Variants in LAMC2 observed in about 807,000 individuals in gnomAD.
LAMC2 encodes laminin subunit gamma-2.
In LAMC2, 97 loss-of-function variants were observed where a neutral mutation model predicts 140.2. That is an observed-to-expected ratio of 0.69 (90% confidence interval 0.59 to 0.82). The LOEUF (loss-of-function observed/expected upper bound fraction) is 0.82, where lower values mean the gene tolerates loss of function less well. Among genes scored for constraint, LAMC2 ranks in the 40% least tolerant of loss-of-function variants. LAMC2 has a pLI of 0.00. For synonymous variants in LAMC2, 513 were observed against 540.2 expected, an observed-to-expected ratio of 0.95 and a Z score of 0.70; for missense variants, 1,402 against 1,476.1, an observed-to-expected ratio of 0.95 and a Z score of 0.82.
rs1484118529 is a variant in LAMC2, at chr1:183,186,416, A to G, written c.64A>G (p.Thr22Ala). 1 of 1,604,600 alleles carries G rather than the reference A, an allele frequency of 6.2e-7. No individual in the cohort carries two copies. Among genetic ancestry groups the G allele is most frequent in the African/African-American group, 1.3e-5 (1 of 74,866 alleles). ...FSLLLPAARA[T>A]SRREVCDCNG... is the part of the protein sequence containing the mutation. ...GCTCCTCCTGCCCGCAGCCCGGGCC[A>G]CCTCCAGGAGGGAAGGTGAGTCGGC... Residue 22 changes from threonine to alanine, a missense_variant, in exon 1 of 23, where the codon ACC becomes GCC. By Grantham distance (58) the Thr-to-Ala change is moderately conservative (BLOSUM62 0). Around this residue, in one of 3 missense-constraint regions of LAMC2, gnomAD observed 723 missense variants for 783.3 expected, o/e 0.92. Transcript: ENST00000264144.
intron 2 of LAMC2, among the ~76,000 whole-genome samples, chr1:183,210,076 T>C (rs1033196122): frequency 6.6e-6 from 1 of 152,114 alleles, no homozygotes; most frequent in Non-Finnish European, 1.5e-5. Flanking sequence ...CACAAATAAC[T>C]AAAGAGGGGG....
chr1:183,218,286 A>T, intron 3 of LAMC2, 104 bp from the exon 4 acceptor site: 2 of 920,442 alleles, frequency 2.2e-6, no homozygotes, highest in Non-Finnish European at 3.5e-6. Context: ...TCGAAGAAGG[A>T]CTGCCCAGCT....
the LAMC2 span, chr1:183,252,436 C>G: frequency 3.6e-6 from 2 of 558,428 alleles, no homozygotes; most frequent in Admixed American, 3.1e-5. Flanking sequence ...ACCCCCAACC[C>G]GGAGACTAGA....
chr1:183,191,907 G>A (rs1230261573), intron 1 of LAMC2, among the ~76,000 whole-genome samples: 1 of 152,012 alleles, frequency 6.6e-6, no homozygotes, highest in African/African-American at 2.4e-5. Context: ...ATAGAATCTG[G>A]AATACTCTCA....
chr1:183,228,955 CTGT>C lies in LAMC2; in HGVS notation c.1714+340_1714+342del, dbSNP rs1659718375. ...GGAGGCAGGGAAGTGGCTGCCAAAC[CTGT>C]TGTAGGAGAGTAATAAATGACTTGA... On this transcript the variant is annotated intron_variant, in intron 11 of 22. Coordinates refer to ENST00000264144, the MANE Select transcript of LAMC2 (RefSeq NM_005562.3). The surrounding 1 kb of genome is among the most constrained non-coding windows in gnomAD (Gnocchi z 4.3). 6.6e-6 allele frequency among the ~76,000 whole-genome samples: 1 copy of C among 152,190 alleles called. No individual in the cohort carries two copies. Among genetic ancestry groups the C allele is most frequent in the Non-Finnish European group, 1.5e-5 (1 of 68,024 alleles).
At chr1:183,217,156 A>G (rs529765509) in intron 3 of LAMC2, among the ~76,000 whole-genome samples, 256 of 152,312 alleles carry the variant, frequency 1.7e-3, no homozygotes, top group Middle Eastern at 3.4e-3. Flanking sequence ...AGGTTTGTGC[A>G]GGATTTGGGT....
chr1:183,237,386 A>G lies in LAMC2; in HGVS notation c.2636A>G (p.Asp879Gly). 6.2e-7 allele frequency: 1 copy of G among 1,614,204 alleles called. No individual in the cohort carries two copies. Among genetic ancestry groups the G allele is most frequent in the Non-Finnish European group, 8.5e-7 (1 of 1,180,020 alleles). The change falls in exon 18 of 23, where the codon GAT becomes GGT. Residue 879 changes from aspartate to glycine, a missense_variant. By Grantham distance (94) the Asp-to-Gly change is moderately conservative. This residue lies in a region of LAMC2 where 670 missense variants were observed against 667.2 expected (regional missense o/e 1.00). Transcript: ENST00000264144. ...EEAKRIKQKA[D>G]SLSSLVTRHM... ...GCAAAGAGGATCAAACAAAAAGCGG[A>G]TTCACTCTCAAGCCTGGTAACCAGG...
chr1:183,236,756 C>T, intron 17 of LAMC2, 152 bp downstream of exon 17: 2 of 921,812 alleles, frequency 2.2e-6, no homozygotes, highest in Non-Finnish European at 3.4e-6. Flanking sequence ...CTTCTCATTA[C>T]CCATTTGCTT....
At chr1:183,246,190 T>C (rs1224192970), downstream of LAMC2, among the ~76,000 whole-genome samples, 1 of 140,620 alleles carries the variant, frequency 7.1e-6, no homozygotes, top group Non-Finnish European at 1.5e-5. Context: ...AAAAAAAAGG[T>C]CGTAAGACTG....
the LAMC2 span, among the ~76,000 whole-genome samples, chr1:183,253,300 T>C: frequency 6.8e-6 from 1 of 147,728 alleles, no homozygotes; most frequent in Admixed American, 6.8e-5. Context: ...GTGTTAATAT[T>C]ATATTATATT....
In LAMC2 at chr1:183,217,908, AT is replaced by A. The variant is rs1379465892; in HGVS notation, c.405-481del. Among the ~76,000 whole-genome samples the A allele has an allele frequency of 2.6e-5, 4 of 152,384 alleles. No homozygotes were observed. The East Asian group carries it at 5.8e-4, about 22-fold the overall frequency. ...TGTACATTTTAAATGGGTGAATTGC[AT>A]GGCATATGAATTATATCTCAATTGA... On this transcript the variant is annotated intron_variant, in intron 3 of 22. Transcript: ENST00000264144.
chr1:183,238,200 T>C, intron 18 of LAMC2, 107 bp from the exon 19 acceptor site: 1 of 816,938 alleles, frequency 1.2e-6, no homozygotes, highest in Non-Finnish European at 2.1e-6. Flanking sequence ...ACCCCTAGAC[T>C]CTGCAGTGAA....
At chr1:183,237,224 G>A in intron 17 of LAMC2, 128 bp from the exon 18 acceptor site, 1 of 1,000,816 alleles carries the variant, frequency 1.0e-6, no homozygotes, top group Non-Finnish European at 1.6e-6. Context: ...GGGCCTGGAT[G>A]GCTAGTGACT....
At position 183,228,634 on chromosome 1, in the gene LAMC2, C is replaced by G. The variant is rs766895041; in HGVS notation, c.1714+15C>G. On this transcript the variant is annotated intron_variant, in intron 11 of 22. Transcript: ENST00000264144. The surrounding 1 kb of genome is among the most constrained non-coding windows in gnomAD (Gnocchi z 4.3). ...CAAGTGTCGAGGTAGGACTCCACCC[C>G]AGGCAGGCTGTGTCTGTGCGTGCCT... The G allele has an allele frequency of 8.1e-6, 13 of 1,613,608 alleles. No homozygotes were observed. The Admixed American group carries it at 2.2e-4, about 27-fold the overall frequency.
At chr1:183,221,078 T>C in intron 5 of LAMC2, 117 bp downstream of exon 5, 1 of 994,554 alleles carries the variant, frequency 1.0e-6, no homozygotes, top group Non-Finnish European at 1.6e-6. Context: ...TCTTATAGTA[T>C]TGAATGTACA....
At chr1:183,257,689 CTTAT>C in the LAMC2 span, among the ~76,000 whole-genome samples, 1 of 151,604 alleles carries the variant, frequency 6.6e-6, no homozygotes, top group Non-Finnish European at 1.5e-5. Flanking sequence ...TATGATCCAT[CTTAT>C]TTCTGAGACA....
chr1:183,214,876 G>C (rs1659202384), intron 2 of LAMC2, among the ~76,000 whole-genome samples: 2 of 152,170 alleles, frequency 1.3e-5, no homozygotes, highest in African/African-American at 4.8e-5. Flanking sequence ...TCTGTAAAAA[G>C]TGGAATCATA....
At chr1:183,222,285 G>A in intron 6 of LAMC2, 74 bp downstream of exon 6, 1 of 1,516,472 alleles carries the variant, frequency 6.6e-7, no homozygotes, top group Non-Finnish European at 9.2e-7. Context: ...AATTGAGTTA[G>A]AAATTGTGGA....
chr1:183,208,120 CAAGAGGGAAGGAAGGAAGGAGGAAAAG>C, intron 2 of LAMC2, 51 bp downstream of exon 2: 1 of 1,475,470 alleles, frequency 6.8e-7, no homozygotes, highest in Non-Finnish European at 9.5e-7. Flanking sequence ...AGTGGGGAGA[CAAGAGGGAAGGAAGGAAGGAGGAAAAG>C]AAGAAGGAAG....
Sources: allele counts gnomAD v4.1 joint callset (sites outside exome capture counted in the v4.1 genomes callset), GRCh38; gene constraint gnomAD v4.1.1; regional missense constraint gnomAD v4.1.1; non-coding constraint Gnocchi (gnomAD v3.1); transcripts MANE v1.5; gene names NCBI Gene and HGNC (gene_info 2026-07-23, HGNC 2026-07-21).